Variants in KLRG2 observed in about 807,000 individuals in gnomAD.
KLRG2 encodes the protein killer cell lectin like receptor G2, also known as killer cell lectin-like receptor subfamily G member 2.
Under a neutral mutation model 35.4 loss-of-function variants are expected in KLRG2, and 39 were observed. The ratio of observed to expected loss-of-function variants is 1.10; its 90% CI spans 0.85 to 1.44. The LOEUF (loss-of-function observed/expected upper bound fraction) is 1.44, where lower values mean the gene tolerates loss of function less well. Ranked by LOEUF, KLRG2 falls within the 40% of genes most tolerant of loss-of-function variation. The probability of loss-of-function intolerance (pLI) is 0.00; values close to 1 mark genes in which losing one functional copy is unlikely to be tolerated. For missense variants in KLRG2, 632 were observed against 570.9 expected, an observed-to-expected ratio of 1.11 and a Z score of -1.09; for synonymous variants, 283 against 265.8, an observed-to-expected ratio of 1.06 and a Z score of -0.63.
chr7:139,463,182 C>T (rs1796596452), intron 3 of KLRG2, among the ~76,000 whole-genome samples: 3 of 152,174 alleles, frequency 2.0e-5, no homozygotes, highest in Non-Finnish European at 4.4e-5. Flanking sequence ...AAAAACCCAG[C>T]CCAGTTCTTG....
In KLRG2 at chr7:139,478,338, C is replaced by G. The variant is rs367622850; in HGVS notation, c.1005+1289G>C. On this transcript the variant is annotated intron_variant, in intron 3 of 4. Coordinates refer to ENST00000340940, the MANE Select transcript of KLRG2 (RefSeq NM_198508.4). ...CCATGACTGCACTACTGTACTCAGC[C>G]TGGGCAACAGAGTGAGGACCTGTTT... 3.4e-5 allele frequency among the ~76,000 whole-genome samples: 5 copies of G among 146,996 alleles called. No individual in the cohort carries two copies. In the East Asian group the frequency reaches 9.9e-4, roughly 29 times the overall value.
At chr7:139,442,662 C>T in the KLRG2 span, among the ~76,000 whole-genome samples, 1 of 152,206 alleles carries the variant, frequency 6.6e-6, no homozygotes, top group East Asian at 1.9e-4. Flanking sequence ...CAAAGTTCAA[C>T]ATGGCAAAAC....
intron 3 of KLRG2, among the ~76,000 whole-genome samples, chr7:139,458,640 T>C (rs1267081489): frequency 6.6e-6 from 1 of 152,222 alleles, no homozygotes; most frequent in Non-Finnish European, 1.5e-5. Context: ...ATGTTTCAAA[T>C]TACTTTTCTT....
chr7:139,445,823 CTTTAAGT>C, the KLRG2 span, among the ~76,000 whole-genome samples: 3 of 105,904 alleles, frequency 2.8e-5, no homozygotes, highest in Non-Finnish European at 5.3e-5. Context: ...GAGTTTTGCT[CTTTAAGT>C]TTTATTTTTT....
At chr7:139,459,411 T>A (rs1585164873) in intron 3 of KLRG2, among the ~76,000 whole-genome samples, 2 of 152,242 alleles carry the variant, frequency 1.3e-5, no homozygotes, top group African/African-American at 4.8e-5. Context: ...CCCGCCCTGC[T>A]TGGCTCCTGG....
chr7:139,454,667 T>C (rs999265313), intron 3 of KLRG2, among the ~76,000 whole-genome samples: 1 of 147,252 alleles, frequency 6.8e-6, no homozygotes, highest in African/African-American at 2.5e-5. Flanking sequence ...AAAAAAAAAA[T>C]TAGCTGGGCA....
intron 1 of KLRG2, among the ~76,000 whole-genome samples, chr7:139,480,509 G>C (rs1417327103): frequency 7.0e-6 from 1 of 142,628 alleles, no homozygotes; most frequent in African/African-American, 2.7e-5. Flanking sequence ...GCAGTGGTGC[G>C]ATCTCGGCTC....
chr7:139,441,535 C>T, the KLRG2 span, among the ~76,000 whole-genome samples: 7 of 152,070 alleles, frequency 4.6e-5, no homozygotes, highest in African/African-American at 1.7e-4. Context: ...TTGATGGGTG[C>T]AACAAACCAA....
Position 139,483,065 on chromosome 7 carries a change from G to A in KLRG2, c.578C>T (p.Thr193Met), listed in dbSNP as rs1365182994. The A allele has an allele frequency of 3.6e-6, 5 of 1,390,470 alleles. No individual in the cohort carries two copies. Among genetic ancestry groups the A allele is most frequent in the Middle Eastern group, 2.6e-4 (1 of 3,910 alleles). The allele number at this position is 1,390,470 out of a possible 1,614,324, so 86.1% of individuals were successfully genotyped here. ...GRRSPLAAAR[T>M]ESGCDAEGRA... ...GCCCTCTGCGTCGCAGCCGCTCTCC[G>A]TCCGGGCTGCAGCCAGCGGCGAGCG... is the stretch of plus-strand genomic sequence containing the variant. The change falls in exon 1 of 5, where the codon ACG becomes ATG. Residue 193 changes from threonine to methionine, a missense_variant. Coordinates refer to ENST00000340940, the MANE Select transcript of KLRG2 (RefSeq NM_198508.4).
chr7:139,432,636 G>A, the KLRG2 span, among the ~76,000 whole-genome samples: 3 of 142,936 alleles, frequency 2.1e-5, no homozygotes, highest in African/African-American at 2.6e-5. Context: ...TGCAGCCTCC[G>A]CCTCTGCTTC....
chr7:139,458,972 T>C (rs2116435615), intron 3 of KLRG2, among the ~76,000 whole-genome samples: 1 of 152,342 alleles, frequency 6.6e-6, no homozygotes, highest in African/African-American at 2.4e-5. Context: ...CTTCCGGTCC[T>C]TGTCCAGAAC....
At chr7:139,462,390 C>T (rs1049038372) in intron 3 of KLRG2, among the ~76,000 whole-genome samples, 3 of 144,902 alleles carry the variant, frequency 2.1e-5, no homozygotes, top group Non-Finnish European at 4.6e-5. Context: ...ACCCCCCATC[C>T]CTTCTCTCTG....
downstream of KLRG2, among the ~76,000 whole-genome samples, chr7:139,450,436 G>C (rs549060913): frequency 4.1e-4 from 63 of 152,086 alleles, no homozygotes; most frequent in South Asian, 2.7e-3. Flanking sequence ...TGTTAGCCAG[G>C]CTGGTCTCGA....
At position 139,453,704 on chromosome 7, in the gene KLRG2, G is replaced by A; in HGVS notation, c.1113C>T (p.Leu371=). ...IDEAPLPPQL[L]PEDGEDNLDI... ...CCAGATTGTCCTCGCCGTCCTCAGG[G>A]AGTCTGGGAAAGGATGGGAGGGGAA... is the stretch of plus-strand genomic sequence containing the variant. The change falls in exon 5 of 5, where the codon CTC becomes CTT. Residue 371 remains leucine, a synonymous_variant. Coordinates refer to ENST00000340940, the MANE Select transcript of KLRG2 (RefSeq NM_198508.4). 3.1e-6 allele frequency: 5 copies of A among 1,614,090 alleles called. No individual in the cohort carries two copies. The South Asian group carries it at 4.4e-5, about 14-fold the overall frequency.
chr7:139,438,276 G>A, the KLRG2 span, among the ~76,000 whole-genome samples: 3 of 152,206 alleles, frequency 2.0e-5, no homozygotes, highest in Non-Finnish European at 4.4e-5. Flanking sequence ...TTGTCACCCA[G>A]ACTAGAGTGC....
At chr7:139,461,238 C>A (rs1424648314) in intron 3 of KLRG2, among the ~76,000 whole-genome samples, 1 of 151,908 alleles carries the variant, frequency 6.6e-6, no homozygotes, top group Non-Finnish European at 1.5e-5. Flanking sequence ...CAGAGCCAGA[C>A]TCCATCTAAA....
Position 139,467,645 on chromosome 7 carries a change from GTTAAGAGTCA to G in KLRG2, c.1005+11972_1005+11981del, listed in dbSNP as rs545433251. Among the ~76,000 whole-genome samples, 85 of 148,502 alleles carry G rather than the reference GTTAAGAGTCA, an allele frequency of 5.7e-4. 1 individual carries two copies. Among genetic ancestry groups the G allele is most frequent in the African/African-American group, 2.1e-3 (84 of 39,492 alleles). Reference sequence around the variant, plus strand: ...ACAGATGCTTGAAGGCAGCATGCTCGTTAAGAGTCATCACCACTCCCTAATCTCAAGTACC... The same window carrying G: ...ACAGATGCTTGAAGGCAGCATGCTCGTCACCACTCCCTAATCTCAAGTACC... On this transcript the variant is annotated intron_variant, in intron 3 of 4. Transcript: ENST00000340940.
intron 3 of KLRG2, among the ~76,000 whole-genome samples, chr7:139,476,031 T>C (rs1042939156): frequency 9.9e-5 from 15 of 152,046 alleles, no homozygotes; most frequent in African/African-American, 3.6e-4. Flanking sequence ...AAAGACAGTT[T>C]GAGTGTTTTT....
At chr7:139,431,244 G>A in the KLRG2 span, among the ~76,000 whole-genome samples, 4 of 152,122 alleles carry the variant, frequency 2.6e-5, no homozygotes, top group East Asian at 1.9e-4. Context: ...GCCTGGGGCC[G>A]GACCTCAGGG....
Sources: allele counts gnomAD v4.1 joint callset (sites outside exome capture counted in the v4.1 genomes callset), GRCh38; gene constraint gnomAD v4.1.1; transcripts MANE v1.5; gene names NCBI Gene and HGNC (gene_info 2026-07-23, HGNC 2026-07-21).